PRKAG2: variants seen among roughly 807,000 people sequenced by gnomAD.
The protein encoded by PRKAG2 is protein kinase AMP-activated non-catalytic subunit gamma 2.
In PRKAG2, 26 loss-of-function variants were observed where a neutral mutation model predicts 69.6. That is an observed-to-expected ratio of 0.37 (90% CI 0.27 to 0.52). The LOEUF is 0.52. Ranked by LOEUF, PRKAG2 falls within the 20% of genes least tolerant of loss-of-function variation. The probability of loss-of-function intolerance (pLI) is 0.90; values close to 1 mark genes in which losing one functional copy is unlikely to be tolerated. For synonymous variants in PRKAG2, 293 were observed against 285.0 expected (o/e 1.03, Z -0.28); for missense variants, 557 against 740.0 (o/e 0.75, Z 2.87).
intron 3 of PRKAG2, among the ~76,000 whole-genome samples, chr7:151,689,512 C>A (rs1380793283): frequency 6.6e-6 from 1 of 152,184 alleles, no homozygotes; most frequent in Admixed American, 6.5e-5. Context: ...AAGCACATTC[C>A]CAAACCTCCA....
chr7:151,871,350 G>A (rs942831338), intron 1 of PRKAG2, among the ~76,000 whole-genome samples: 1 of 152,218 alleles, frequency 6.6e-6, no homozygotes, highest in Non-Finnish European at 1.5e-5. Flanking sequence ...CTCAGAGCAG[G>A]GAGCCAAGGC....
chr7:151,728,031 C>T (rs984331076), intron 3 of PRKAG2, among the ~76,000 whole-genome samples: 22 of 152,168 alleles, frequency 1.4e-4, no homozygotes, highest in South Asian at 6.3e-4. Context: ...TGCTCAGCTC[C>T]GGGGGCCCGT....
chr7:151,576,405 C>A lies in PRKAG2; in HGVS notation c.912G>T (p.Ala304=), dbSNP rs145029525. ...FALVANGVRA[A]PLWESKKQSF... ...TTTGTTTTTTACTCTCCCACAGTGG[C>A]GCTGCTCGGACACCGTTGGCTACCA... The change falls in exon 7 of 16, where the codon GCG becomes GCT. Residue 304 remains alanine (A), a synonymous_variant. Transcript: ENST00000287878. 4.0e-5 allele frequency: 65 copies of A among 1,611,658 alleles called. No individual in the cohort carries two copies. The Middle Eastern group carries it at 6.6e-4, about 16-fold the overall frequency.
Position 151,876,367 on chromosome 7 carries a change from T to C in PRKAG2, c.114+140A>G, listed in dbSNP as rs554871060. 650 of 840,952 alleles carry C rather than the reference T, an allele frequency of 7.7e-4. 10 individuals carry two copies. The South Asian group carries it at 8.4e-3, about 11-fold the overall frequency. 52.1% of individuals were successfully genotyped at this position (840,952 alleles called of 1,614,324 possible). On this transcript the variant is annotated intron_variant, in intron 1 of 15. Transcript: ENST00000287878. The stretch of plus-strand genomic sequence containing the variant: ...GCCAGCCCAGCTCGGGCCCTGTCCC[T>C]CTACCCTTTCCCCAAGCCGCCCGAA...
chr7:151,657,517 C>G (rs1406382327), intron 4 of PRKAG2, among the ~76,000 whole-genome samples: 1 of 152,172 alleles, frequency 6.6e-6, no homozygotes, highest in Non-Finnish European at 1.5e-5. Context: ...AAAGGTAGGT[C>G]TCAATTTGAA....
intron 3 of PRKAG2, among the ~76,000 whole-genome samples, chr7:151,701,351 A>G (rs1314156126): frequency 6.6e-6 from 1 of 152,222 alleles, no homozygotes; most frequent in African/African-American, 2.4e-5. Context: ...AAAAGATACA[A>G]TGAAAACCTC....
intron 1 of PRKAG2, among the ~76,000 whole-genome samples, chr7:151,849,997 C>T (rs535770087): frequency 5.6e-4 from 86 of 152,284 alleles, no homozygotes; most frequent in African/African-American, 1.7e-3. Context: ...GCCCGCAGCA[C>T]GTTTGCCATT....
chr7:151,597,160 A>G (rs1188094760), intron 5 of PRKAG2, among the ~76,000 whole-genome samples: 1 of 152,250 alleles, frequency 6.6e-6, no homozygotes, highest in Non-Finnish European at 1.5e-5. Context: ...AGGTTCCAAG[A>G]ATACACACCG....
chr7:151,695,027 C>T (rs553574981), intron 3 of PRKAG2, among the ~76,000 whole-genome samples: 32 of 152,368 alleles, frequency 2.1e-4, no homozygotes, highest in African/African-American at 6.5e-4. Flanking sequence ...CCCGGGACAA[C>T]GCCAGACATT....
chr7:151,677,049 G>C (rs982851976), intron 3 of PRKAG2, among the ~76,000 whole-genome samples: 8 of 152,222 alleles, frequency 5.3e-5, no homozygotes, highest in African/African-American at 1.7e-4. Flanking sequence ...TGGCCTTCAG[G>C]ACAGGGCTAA....
At position 151,838,706 on chromosome 7, in the gene PRKAG2, CAAAAAAAAA is replaced by C. The variant is rs57382424; in HGVS notation, c.114+37792_114+37800del. Among the ~76,000 whole-genome samples, 6 of 92,220 alleles carry C rather than the reference CAAAAAAAAA, an allele frequency of 6.5e-5. No homozygotes were observed. The South Asian group carries it at 1.8e-3, about 27-fold the overall frequency. 60.5% of individuals were successfully genotyped at this position (92,220 alleles called of 152,430 possible). On this transcript the variant is annotated intron_variant, in intron 1 of 15. Coordinates refer to ENST00000287878, the MANE Select transcript of PRKAG2 (RefSeq NM_016203.4). Reference sequence around the variant, plus strand: ...AGGGAGATAAAGCAAGACCCTGTTTCAAAAAAAAAAAAAAAAAAGTAAAGAAGGCCAGGC... The same window carrying C: ...AGGGAGATAAAGCAAGACCCTGTTTCAAAAAAAAAGTAAAGAAGGCCAGGC...
At chr7:151,560,705 A>G in intron 14 of PRKAG2, 88 bp from the exon 15 acceptor site, 1 of 1,519,312 alleles carries the variant, frequency 6.6e-7, no homozygotes, top group Non-Finnish European at 9.0e-7. Flanking sequence ...TCATGTTTTT[A>G]TATGATCAAC....
chr7:151,612,846 T>A (rs1395134021), intron 5 of PRKAG2, among the ~76,000 whole-genome samples: 1 of 152,094 alleles, frequency 6.6e-6, no homozygotes, highest in Non-Finnish European at 1.5e-5. Flanking sequence ...TTACAAAACC[T>A]GGAAGGAGAG....
At chr7:151,664,912 A>T (rs933642502) in intron 4 of PRKAG2, among the ~76,000 whole-genome samples, 1 of 152,146 alleles carries the variant, frequency 6.6e-6, no homozygotes, top group Non-Finnish European at 1.5e-5. Flanking sequence ...TGCAGATTTT[A>T]TCTTGAGAAC....
chr7:151,807,938 T>C lies in PRKAG2; in HGVS notation c.115-21397A>G, dbSNP rs115462306. ...GGACGCTAGACTCAAGGGAAGGCTC[T>C]GGAGGAAGGAAGAGGCTAAAGGCAT... On this transcript the variant is annotated intron_variant, in intron 1 of 15. Transcript: ENST00000287878. The surrounding 1 kb of genome is among the most constrained non-coding windows in gnomAD (Gnocchi z 4.4). Among the ~76,000 whole-genome samples the C allele has an allele frequency of 3.9e-5, 6 of 152,160 alleles. No homozygotes were observed. The highest frequency in any genetic ancestry group is 1.4e-4 in the African/African-American group (6 of 41,428).
intron 3 of PRKAG2, among the ~76,000 whole-genome samples, chr7:151,757,412 C>T (rs1427896026): frequency 6.6e-6 from 1 of 152,210 alleles, no homozygotes; most frequent in African/African-American, 2.4e-5. Flanking sequence ...CAGCACAGAT[C>T]CTCTGAAAAA....
In PRKAG2 at chr7:151,567,320, T is replaced by A. The variant is rs1806490360; in HGVS notation, c.1233+1396A>T. On this transcript the variant is annotated intron_variant, in intron 11 of 15. Coordinates refer to ENST00000287878, the MANE Select transcript of PRKAG2 (RefSeq NM_016203.4). This position sits in a 1 kb window ranked among gnomAD's most constrained non-coding sequence, Gnocchi z 4.2. Reference sequence around the variant, plus strand: ...AACCTTGGCAAAGCTACTTAACCTTTCTTAGCTGCATCCCTATAAAATAGG... The same window carrying A: ...AACCTTGGCAAAGCTACTTAACCTTACTTAGCTGCATCCCTATAAAATAGG... 2.6e-5 allele frequency among the ~76,000 whole-genome samples: 4 copies of A among 152,150 alleles called. No homozygotes were observed. The highest frequency in any genetic ancestry group is 2.6e-4 in the Admixed American group (4 of 15,280).
chr7:151,631,573 G>A (rs529473335), intron 5 of PRKAG2: 10 of 412,892 alleles, frequency 2.4e-5, no homozygotes, highest in African/African-American at 4.1e-5. Context: ...ACTCAACACC[G>A]ATTCAATAAC....
intron 3 of PRKAG2, among the ~76,000 whole-genome samples, chr7:151,768,903 G>T (rs1218508228): frequency 6.6e-6 from 1 of 152,240 alleles, no homozygotes; most frequent in African/African-American, 2.4e-5. Flanking sequence ...GGGCCACTGT[G>T]TCATGATTCT....
Sources: allele counts gnomAD v4.1 joint callset (sites outside exome capture counted in the v4.1 genomes callset), GRCh38; gene constraint gnomAD v4.1.1; non-coding constraint Gnocchi (gnomAD v3.1); transcripts MANE v1.5; gene names NCBI Gene and HGNC (gene_info 2026-07-23, HGNC 2026-07-21).